TAFA1: variants seen among roughly 807,000 people sequenced by gnomAD.
TAFA1 encodes TAFA chemokine like family member 1, also known as chemokine-like protein TAFA-1.
A neutral mutation model predicts 18.5 loss-of-function variants in TAFA1; 4 were observed. The ratio of observed to expected loss-of-function variants is 0.22; its 90% CI spans 0.11 to 0.49. The LOEUF (loss-of-function observed/expected upper bound fraction) is 0.49, where lower values mean the gene tolerates loss of function less well. Among genes scored for constraint, TAFA1 ranks in the 20% least tolerant of loss-of-function variants. TAFA1 has a pLI of 0.98. For synonymous variants in TAFA1, 56 were observed against 55.2 expected, an observed-to-expected ratio of 1.01 and a Z score of -0.06; for missense variants, 147 against 169.0, an observed-to-expected ratio of 0.87 and a Z score of 0.72.
At chr3:68,267,153 C>T (rs1440188297) in intron 2 of TAFA1, among the ~76,000 whole-genome samples, 1 of 152,174 alleles carries the variant, frequency 6.6e-6, no homozygotes, top group African/African-American at 2.4e-5. Flanking sequence ...TAGGAACACA[C>T]AGATAAGACT....
intron 3 of TAFA1, among the ~76,000 whole-genome samples, chr3:68,445,658 A>C (rs1195555193): frequency 6.6e-6 from 1 of 152,126 alleles, no homozygotes; most frequent in African/African-American, 2.4e-5. Flanking sequence ...GTGGTTCTCC[A>C]GTATTAGCAT....
intron 2 of TAFA1, among the ~76,000 whole-genome samples, chr3:68,244,604 G>A (rs551931350): frequency 2.0e-5 from 3 of 152,066 alleles, no homozygotes; most frequent in East Asian, 3.9e-4. Flanking sequence ...TCAAACTCCT[G>A]GCCTCAAGAA....
At chr3:68,405,699 CAAAAAAAAAAA>C (rs56258198) in intron 2 of TAFA1, among the ~76,000 whole-genome samples, 2 of 32,882 alleles carry the variant, frequency 6.1e-5, no homozygotes, top group African/African-American at 1.4e-4. Flanking sequence ...GACTCTATCT[CAAAAAAAAAAA>C]AAAAAAAAAA....
chr3:68,313,235 C>T (rs757556283), intron 2 of TAFA1, among the ~76,000 whole-genome samples: 2 of 152,106 alleles, frequency 1.3e-5, no homozygotes, highest in Non-Finnish European at 2.9e-5. Flanking sequence ...AACATTATAC[C>T]AAATTAACAG....
At chr3:68,423,245 T>G (rs2070991544) in intron 3 of TAFA1, among the ~76,000 whole-genome samples, 1 of 152,134 alleles carries the variant, frequency 6.6e-6, no homozygotes, top group Admixed American at 6.6e-5. Context: ...TCCCAACTAC[T>G]CTAAGTCTAT....
intron 2 of TAFA1, among the ~76,000 whole-genome samples, chr3:68,030,170 T>A (rs1003428824): frequency 6.6e-6 from 1 of 152,160 alleles, no homozygotes; most frequent in Non-Finnish European, 1.5e-5. Flanking sequence ...TTATTAATAA[T>A]GGCAAACAGT....
chr3:68,207,717 G>C (rs949221485), intron 2 of TAFA1, among the ~76,000 whole-genome samples: 4 of 151,964 alleles, frequency 2.6e-5, no homozygotes, highest in Non-Finnish European at 5.9e-5. Context: ...ACTTGCACTA[G>C]TAATAGTAGT....
chr3:68,377,825 C>A (rs528782938), intron 2 of TAFA1, among the ~76,000 whole-genome samples: 1 of 152,112 alleles, frequency 6.6e-6, no homozygotes, highest in Non-Finnish European at 1.5e-5. Flanking sequence ...TGCCCTGCAT[C>A]CCAGCTGCTC....
chr3:68,435,861 A>T (rs1391510944), intron 3 of TAFA1, among the ~76,000 whole-genome samples: 2 of 152,192 alleles, frequency 1.3e-5, no homozygotes, highest in African/African-American at 4.8e-5. Flanking sequence ...CCTTCATATA[A>T]GGGAAATTAA....
intron 3 of TAFA1, among the ~76,000 whole-genome samples, chr3:68,448,930 G>C (rs1407927780): frequency 6.6e-6 from 1 of 152,136 alleles, no homozygotes; most frequent in African/African-American, 2.4e-5. Flanking sequence ...ATAACTGTTA[G>C]AGAAGCAGCC....
At chr3:68,303,190 G>T (rs1330215882) in intron 2 of TAFA1, among the ~76,000 whole-genome samples, 1 of 152,124 alleles carries the variant, frequency 6.6e-6, no homozygotes, top group Non-Finnish European at 1.5e-5. Context: ...AATATTTCCA[G>T]ATTTCCATGT....
chr3:68,020,767 A>G (rs919134608), intron 2 of TAFA1, among the ~76,000 whole-genome samples: 1 of 152,168 alleles, frequency 6.6e-6, no homozygotes, highest in Non-Finnish European at 1.5e-5. Context: ...AATCTCTACT[A>G]TGGAATACAT....
chr3:68,053,714 A>G (rs1275788622), intron 2 of TAFA1, among the ~76,000 whole-genome samples: 1 of 152,046 alleles, frequency 6.6e-6, no homozygotes, highest in South Asian at 2.1e-4. Flanking sequence ...TTATTTTATT[A>G]TTTTTTAGAG....
At chr3:68,236,586 A>T (rs1048011099) in intron 2 of TAFA1, among the ~76,000 whole-genome samples, 1 of 152,262 alleles carries the variant, frequency 6.6e-6, no homozygotes, top group Non-Finnish European at 1.5e-5. Context: ...GATGGGAAAA[A>T]AATGAAAGGT....
At chr3:68,366,084 T>C (rs1339749900) in intron 2 of TAFA1, among the ~76,000 whole-genome samples, 1 of 30,602 alleles carries the variant, frequency 3.3e-5, no homozygotes, top group Non-Finnish European at 6.0e-5. Flanking sequence ...AGACTCCATC[T>C]CAAAAAAAAA....
At chr3:68,245,820 T>C (rs980789867) in intron 2 of TAFA1, among the ~76,000 whole-genome samples, 1 of 152,226 alleles carries the variant, frequency 6.6e-6, no homozygotes, top group Non-Finnish European at 1.5e-5. Context: ...GCTTTTATTG[T>C]CTTCGTGTTT....
At chr3:68,185,697 C>T (rs994543628) in intron 2 of TAFA1, among the ~76,000 whole-genome samples, 15 of 151,828 alleles carry the variant, frequency 9.9e-5, no homozygotes, top group African/African-American at 3.6e-4. Flanking sequence ...CTCACTTGAG[C>T]TCAGGAGTTC....
intron 2 of TAFA1, among the ~76,000 whole-genome samples, chr3:68,360,570 T>G (rs1286012800): frequency 6.6e-6 from 1 of 151,960 alleles, no homozygotes; most frequent in African/African-American, 2.4e-5. Flanking sequence ...GGGTTTTTTT[T>G]AAGTCACAAA....
chr3:68,502,087 G>A (rs925163823), intron 3 of TAFA1, among the ~76,000 whole-genome samples: 14 of 152,012 alleles, frequency 9.2e-5, no homozygotes, highest in Non-Finnish European at 1.9e-4. Context: ...AACCTTGAAG[G>A]GCTTTCAAGC....
Sources: allele counts gnomAD v4.1 joint callset (sites outside exome capture counted in the v4.1 genomes callset), GRCh38; gene constraint gnomAD v4.1.1; transcripts MANE v1.5; gene names NCBI Gene and HGNC (gene_info 2026-07-23, HGNC 2026-07-21).